Variants in MARF1 observed in about 807,000 individuals in gnomAD.
The protein encoded by MARF1 is meiosis regulator and mRNA stability factor 1.
MARF1 carries 24 observed loss-of-function variants against 168.2 expected under a neutral mutation model. That is an observed-to-expected ratio of 0.14 (90% CI 0.10 to 0.20). MARF1 has a LOEUF of 0.20. MARF1 is among the 10% of genes least tolerant of loss of function. The pLI, the probability that MARF1 is intolerant of heterozygous loss-of-function variation, is 1.00. For missense variants in MARF1, 1,744 were observed against 2,143.6 expected (o/e 0.81, Z 3.68); for synonymous variants, 868 against 822.4 (o/e 1.06, Z -0.95).
rs145576379 is a variant in MARF1 at position 15,601,131 on chromosome 16, T to C, written c.4627-430A>G. Reference sequence around the variant, plus strand: ...CATCTTAAAGTCCTCTCCCTGATGGTGCCGCTCTCCATCTCAGCCAAGCAG... The same window carrying C: ...CATCTTAAAGTCCTCTCCCTGATGGCGCCGCTCTCCATCTCAGCCAAGCAG... On this transcript the variant is annotated intron_variant, in intron 23 of 26. Transcript: ENST00000396368. The C allele has an allele frequency of 4.0e-3, 1,854 of 459,922 alleles. 20 individuals carry two copies. Among genetic ancestry groups the C allele is most frequent in the Admixed American group, 3.4e-3 (146 of 42,628 alleles). 28.5% of individuals were successfully genotyped at this position (459,922 alleles called of 1,614,324 possible).
intron 7 of MARF1, among the ~76,000 whole-genome samples, chr16:15,627,883 T>G (rs1339323505): frequency 6.6e-6 from 1 of 152,168 alleles, no homozygotes; most frequent in Non-Finnish European, 1.5e-5. Flanking sequence ...AAACAGACAC[T>G]CTTATGAGTG....
At chr16:15,614,413 G>A in intron 16 of MARF1, among the ~76,000 whole-genome samples, 1 of 148,662 alleles carries the variant, frequency 6.7e-6, no homozygotes, top group Non-Finnish European at 1.5e-5. Context: ...AACCGAGGAG[G>A]CGGAGCTTGC....
chr16:15,638,571 G>A (rs1355757187), intron 2 of MARF1, among the ~76,000 whole-genome samples: 1 of 151,304 alleles, frequency 6.6e-6, no homozygotes, highest in Non-Finnish European at 1.5e-5. Context: ...GGGCCACAGA[G>A]CAAGACTGCA....
At chr16:15,637,896 G>A (rs760457848) in intron 2 of MARF1, among the ~76,000 whole-genome samples, 15 of 152,204 alleles carry the variant, frequency 9.9e-5, no homozygotes, top group Admixed American at 4.6e-4. Flanking sequence ...GGCCAGGCGC[G>A]GTGGCTCACG....
chr16:15,634,805 T>G lies in MARF1; in HGVS notation c.958A>C (p.Thr320Pro), dbSNP rs1404038644. The part of the protein sequence containing the change: ...GCGTKGTGKE[T>P]TLLLATSLGK... ...AGACTGGTCGCCAATAACAACGTGG[T>G]CTCCTTCCCTGTTCCTTTGGTTCCA... The change falls in exon 4 of 27, where the codon ACC becomes CCC. Residue 320 changes from threonine (T) to proline (P), a missense_variant. Physicochemically the swap from Thr to Pro is conservative, Grantham distance 38 (BLOSUM62 -1). This residue lies in a region of MARF1 where 217 missense variants were observed against 372.4 expected (regional missense o/e 0.58). Transcript: ENST00000396368. 1.2e-6 allele frequency: 2 copies of G among 1,613,940 alleles called. No individual in the cohort carries two copies. The highest frequency in any genetic ancestry group is 3.3e-5 in the Admixed American group (2 of 59,994).
chr16:15,636,642 T>C (rs1332808203), intron 2 of MARF1, among the ~76,000 whole-genome samples: 1 of 152,192 alleles, frequency 6.6e-6, no homozygotes, highest in Admixed American at 6.5e-5. Flanking sequence ...AGTAACTTCC[T>C]TTTGGTAATT....
chr16:15,619,821 T>C (rs2034319129), intron 13 of MARF1, among the ~76,000 whole-genome samples: 1 of 152,176 alleles, frequency 6.6e-6, no homozygotes, highest in South Asian at 2.1e-4. Flanking sequence ...AGCTAGTCCC[T>C]GCTGTCCTGG....
In MARF1 at chr16:15,602,114, G is replaced by A. The variant is rs1020688400; in HGVS notation, c.4503C>T (p.Tyr1501=). ...CATGAAGGAAAATCTGCTGGTAGTGGTAAGTATGAAGTAAAGACCGCACAT... is the reference window on the plus strand; with the variant it reads ...CATGAAGGAAAATCTGCTGGTAGTGATAAGTATGAAGTAAAGACCGCACAT... ...AKNVRSLLHT[Y]HYQQIFLHEF... Residue 1501 remains tyrosine, a synonymous_variant, in exon 23 of 27, where the codon TAC becomes TAT. Transcript: ENST00000396368. 1.2e-6 allele frequency: 2 copies of A among 1,614,016 alleles called. No individual in the cohort carries two copies. Among genetic ancestry groups the A allele is most frequent in the African/African-American group, 1.3e-5 (1 of 74,938 alleles).
chr16:15,616,928 T>C (rs1427549980), intron 15 of MARF1, 124 bp downstream of exon 15: 32 of 1,371,840 alleles, frequency 2.3e-5, no homozygotes, highest in Non-Finnish European at 3.0e-5. Context: ...GACTGAAGGC[T>C]AAACACATGA....
intron 7 of MARF1, among the ~76,000 whole-genome samples, chr16:15,626,236 A>G (rs2034833193): frequency 6.6e-6 from 1 of 152,262 alleles, no homozygotes; most frequent in South Asian, 2.1e-4. Context: ...AAAGATTAGT[A>G]GTGCCTGGGA....
chr16:15,625,796 C>T lies in MARF1; in HGVS notation c.1529G>A (p.Cys510Tyr). ...PPRLPLKMPQ[C>Y]HTLLYVYNLP... ...GTTATAAACATAGAGCAGAGTGTGG[C>T]ACTGCTAATACAGAGGAAAGAAGTG... is the stretch of plus-strand genomic sequence containing the variant. The change falls in exon 8 of 27, where the codon TGC becomes TAC. Residue 510 changes from cysteine to tyrosine, a missense_variant. Around this residue, in one of 7 missense-constraint regions of MARF1, gnomAD observed 217 missense variants for 372.4 expected, o/e 0.58. Transcript: ENST00000396368. The T allele has an allele frequency of 6.2e-7, 1 of 1,612,562 alleles. No homozygotes were observed. Among genetic ancestry groups the T allele is most frequent in the East Asian group, 2.2e-5 (1 of 44,880 alleles).
chr16:15,639,464 G>A (rs1451549856), intron 1 of MARF1, among the ~76,000 whole-genome samples, 173 bp from the exon 2 acceptor site: 1 of 152,178 alleles, frequency 6.6e-6, no homozygotes, highest in Non-Finnish European at 1.5e-5. Context: ...GCAGTGGTAC[G>A]ATCTCAGCTC....
chr16:15,622,558 A>AT (rs891029887), intron 11 of MARF1, among the ~76,000 whole-genome samples: 9 of 151,322 alleles, frequency 5.9e-5, no homozygotes, highest in East Asian at 5.9e-4. Flanking sequence ...CGCCCGGCTA[A>AT]TTTTTTTTTA....
At chr16:15,629,048 T>C (rs868767499) in intron 7 of MARF1, among the ~76,000 whole-genome samples, 1 of 151,774 alleles carries the variant, frequency 6.6e-6, no homozygotes, top group Non-Finnish European at 1.5e-5. Context: ...TTTTTTTTTT[T>C]TTTTGAAACA....
Position 15,617,483 on chromosome 16 carries a change from C to A in MARF1, c.2773G>T (p.Ala925Ser). Residue 925 changes from alanine to serine, a missense_variant, in exon 14 of 27, where the codon GCA (alanine) becomes TCA (serine). By Grantham distance (99) the Ala-to-Ser change is moderately conservative. Around this residue, in one of 7 missense-constraint regions of MARF1, gnomAD observed 543 missense variants for 742.1 expected, o/e 0.73. Coordinates refer to ENST00000396368, the MANE Select transcript of MARF1 (RefSeq NM_014647.4). ...SDLYKLTDTVAIREQGNGRLV... is the reference protein window; with the variant it reads ...SDLYKLTDTVSIREQGNGRLV... ...CGTCCGTTTCCTTGTTCACGGATTG[C>A]GACCGTGTCTGTTAATTTATATAGA... 2 of 1,613,716 alleles carry A rather than the reference C, an allele frequency of 1.2e-6. No individual in the cohort carries two copies. Among genetic ancestry groups the A allele is most frequent in the South Asian group, 1.1e-5 (1 of 91,062 alleles).
At position 15,636,110 on chromosome 16, in the gene MARF1, G is replaced by T. The variant is rs775595240; in HGVS notation, c.377C>A (p.Thr126Asn). The T allele has an allele frequency of 2.8e-5, 45 of 1,614,088 alleles. No homozygotes were observed. Among genetic ancestry groups the T allele is most frequent in the Non-Finnish European group, 3.7e-5 (44 of 1,180,040 alleles). Reference protein sequence around the residue: ...FGGGGGGSGGTSSLIHPGALL... With the variant: ...FGGGGGGSGGNSSLIHPGALL... The stretch of plus-strand genomic sequence containing the variant: ...TGCGCCCGGGTGAATCAAGCTACTG[G>T]TACCTCCGCTACCGCCACCACCACC... Residue 126 changes from threonine to asparagine, a missense_variant, in exon 3 of 27, where the codon ACC becomes AAC. Transcript: ENST00000396368.
intron 13 of MARF1, among the ~76,000 whole-genome samples, chr16:15,619,256 G>A (rs2034282612): frequency 6.6e-6 from 1 of 152,348 alleles, no homozygotes; most frequent in East Asian, 1.9e-4. Flanking sequence ...CACCCTGGGT[G>A]ACAGAGTGAG....
At chr16:15,639,749 G>GA (rs778000134) in intron 1 of MARF1, among the ~76,000 whole-genome samples, 9 of 151,938 alleles carry the variant, frequency 5.9e-5, no homozygotes, top group East Asian at 1.9e-4. Context: ...AATAAAGAAA[G>GA]AAAAAAACAC....
chr16:15,600,893 TA>T, intron 23 of MARF1, 192 bp from the exon 24 acceptor site: 2 of 712,202 alleles, frequency 2.8e-6, no homozygotes, highest in East Asian at 2.6e-5. Context: ...CATACCCCTA[TA>T]AAAAGCAGAG....
Sources: allele counts gnomAD v4.1 joint callset (sites outside exome capture counted in the v4.1 genomes callset), GRCh38; gene constraint gnomAD v4.1.1; regional missense constraint gnomAD v4.1.1; transcripts MANE v1.5; gene names NCBI Gene and HGNC (gene_info 2026-07-23, HGNC 2026-07-21).